Variants in SPEF2 observed in about 807,000 individuals in gnomAD.
SPEF2 encodes the protein sperm flagella and cilia-associated protein 2.
In SPEF2, 187 loss-of-function variants were observed where a neutral mutation model predicts 224.6. That is an observed-to-expected ratio of 0.83 (90% CI 0.74 to 0.94). The LOEUF is 0.94. SPEF2 is among the 40% of genes least tolerant of loss of function. The pLI is 0.00. For missense variants in SPEF2, 2,170 were observed against 2,135.6 expected, an observed-to-expected ratio of 1.02 and a Z score of -0.32; for synonymous variants, 715 against 707.3, an observed-to-expected ratio of 1.01 and a Z score of -0.17.
chr5:35,780,350 C>G (rs573700757), intron 30 of SPEF2, among the ~76,000 whole-genome samples: 3 of 152,150 alleles, frequency 2.0e-5, no homozygotes, highest in African/African-American at 7.2e-5. Flanking sequence ...TTGCCAAGCC[C>G]AATAGGTGAA....
chr5:35,766,079 T>C (rs6888729), intron 26 of SPEF2, among the ~76,000 whole-genome samples: 22,009 of 152,076 alleles, frequency 0.14, 2,711 homozygotes, highest in African/African-American at 0.34. Context: ...TGAAAGTGAG[T>C]GAGTTCTGTA....
At position 35,779,195 on chromosome 5, in the gene SPEF2, A is replaced by G; in HGVS notation, c.4296A>G (p.Gln1432=). The part of the protein sequence containing the change: ...TKIQNELYLS[Q]EDFFINGNIK... The stretch of plus-strand genomic sequence containing the variant: ...TTCAGAATGAACTTTATTTAAGCCA[A>G]GAAGACTTCTTCATTAATGGCAATA... The change falls in exon 30 of 37, where the codon CAA becomes CAG. Residue 1432 remains glutamine (Q), a synonymous_variant. Transcript: ENST00000356031. 6.2e-7 allele frequency: 1 copy of G among 1,613,948 alleles called. No homozygotes were observed. The highest frequency in any genetic ancestry group is 8.5e-7 in the Non-Finnish European group (1 of 1,179,882).
chr5:35,649,007 C>T (rs1243198179), intron 5 of SPEF2, among the ~76,000 whole-genome samples: 2 of 148,704 alleles, frequency 1.3e-5, no homozygotes, highest in African/African-American at 5.0e-5. Flanking sequence ...GAGTGAGACT[C>T]CATCTCAAAA....
intron 36 of SPEF2, among the ~76,000 whole-genome samples, chr5:35,812,182 T>A (rs1758586888): frequency 6.6e-6 from 1 of 152,082 alleles, no homozygotes; most frequent in Non-Finnish European, 1.5e-5. Flanking sequence ...CACAAGAAAT[T>A]CTGAATCACG....
chr5:35,720,726 T>C (rs7704075), intron 20 of SPEF2, among the ~76,000 whole-genome samples: 5,961 of 152,246 alleles, frequency 0.039, 191 homozygotes, highest in African/African-American at 0.075. Flanking sequence ...TTAGCATTAT[T>C]CATCAAGATA....
chr5:35,752,582 C>T (rs1217892903), intron 23 of SPEF2, among the ~76,000 whole-genome samples: 2 of 3,622 alleles, frequency 5.5e-4, no homozygotes, highest in Non-Finnish European at 1.0e-3. Context: ...TAAGCATGAG[C>T]CACTGTGCCT....
chr5:35,754,925 T>A (rs1196160472), intron 24 of SPEF2, among the ~76,000 whole-genome samples: 1 of 152,246 alleles, frequency 6.6e-6, no homozygotes, highest in Admixed American at 6.5e-5. Context: ...GTTCAGTAAA[T>A]GTCTTTTCAT....
chr5:35,715,441 A>G (rs1306289317), intron 20 of SPEF2, among the ~76,000 whole-genome samples: 4 of 152,052 alleles, frequency 2.6e-5, no homozygotes, highest in African/African-American at 4.8e-5. Flanking sequence ...TATTATACCA[A>G]TAATAACCTG....
chr5:35,655,182 C>A (rs879565023), intron 7 of SPEF2, among the ~76,000 whole-genome samples: 13 of 152,142 alleles, frequency 8.5e-5, no homozygotes, highest in Non-Finnish European at 7.4e-5. Flanking sequence ...ACGAACAGCA[C>A]CAGCATTGCT....
intron 10 of SPEF2, among the ~76,000 whole-genome samples, chr5:35,687,497 G>T (rs535482365): frequency 1.3e-5 from 2 of 149,754 alleles, no homozygotes; most frequent in Non-Finnish European, 3.0e-5. Flanking sequence ...TAGCTCTGTC[G>T]CCCAGGCTGG....
chr5:35,779,745 C>G (rs78994051), intron 30 of SPEF2, among the ~76,000 whole-genome samples: 3 of 152,274 alleles, frequency 2.0e-5, no homozygotes, highest in Non-Finnish European at 4.4e-5. Context: ...TAGAAGATTT[C>G]CCTTTTATGT....
At chr5:35,665,507 G>A (rs909496174) in intron 8 of SPEF2, among the ~76,000 whole-genome samples, 1 of 152,090 alleles carries the variant, frequency 6.6e-6, no homozygotes, top group African/African-American at 2.4e-5. Flanking sequence ...GGCAATGGCA[G>A]CAACCAGGGT....
chr5:35,635,102 T>G (rs1030702333), intron 2 of SPEF2, among the ~76,000 whole-genome samples: 3 of 152,050 alleles, frequency 2.0e-5, no homozygotes, highest in Non-Finnish European at 4.4e-5. Flanking sequence ...TGTTTTGAGG[T>G]TCTGGTCATT....
intron 21 of SPEF2, among the ~76,000 whole-genome samples, chr5:35,729,154 A>G (rs1335874703): frequency 6.6e-6 from 1 of 152,216 alleles, no homozygotes; most frequent in Non-Finnish European, 1.5e-5. Context: ...GGGATTCTAT[A>G]GAAAACATGA....
chr5:35,776,293 C>T lies in SPEF2; in HGVS notation c.4115C>T (p.Thr1372Ile). The T allele has an allele frequency of 6.2e-7, 1 of 1,611,164 alleles. No individual in the cohort carries two copies. The highest frequency in any genetic ancestry group is 8.5e-7 in the Non-Finnish European group (1 of 1,178,924). ...CAATTTCGACTTGAACTGATAAAGA[C>T]AAAAGCATTGGCTCTTCTTGAAGAT... ...ATQFRLELIK[T>I]KALALLEDLV... The change falls in exon 29 of 37, where the codon ACA becomes ATA. Residue 1372 changes from threonine (T) to isoleucine (I), a missense_variant. By Grantham distance (89) the Thr-to-Ile change is moderately conservative. Transcript: ENST00000356031.
intron 30 of SPEF2, among the ~76,000 whole-genome samples, chr5:35,785,400 A>G (rs903629003): frequency 1.3e-5 from 2 of 152,254 alleles, no homozygotes; most frequent in African/African-American, 2.4e-5. Flanking sequence ...AAATGAAAGT[A>G]TATACTCAGA....
chr5:35,711,071 T>C (rs1039902347), intron 19 of SPEF2, among the ~76,000 whole-genome samples: 1 of 152,172 alleles, frequency 6.6e-6, no homozygotes, highest in Non-Finnish European at 1.5e-5. Flanking sequence ...GTTTTTAAAA[T>C]GTTTTGTGTA....
intron 18 of SPEF2, among the ~76,000 whole-genome samples, chr5:35,707,403 C>T (rs1580374076): frequency 6.6e-6 from 1 of 152,092 alleles, no homozygotes; most frequent in South Asian, 2.1e-4. Flanking sequence ...ATGTTTAAAG[C>T]AATAATTATG....
rs557215730 is a variant in SPEF2, at chr5:35,705,871, T to C, written c.2665+63T>C. Reference sequence around the variant, plus strand: ...TAAAATGTGTGGTTTTTAATGAGTTTGGTAGGAAATGAAGATGTGATTGAA... The same window carrying C: ...TAAAATGTGTGGTTTTTAATGAGTTCGGTAGGAAATGAAGATGTGATTGAA... On this transcript the variant is annotated intron_variant, in intron 18 of 36. Coordinates refer to ENST00000356031, the MANE Select transcript of SPEF2 (RefSeq NM_024867.4). 9 of 1,070,588 alleles carry C rather than the reference T, an allele frequency of 8.4e-6. No homozygotes were observed. The African/African-American group carries it at 1.3e-4, about 16-fold the overall frequency. The allele number at this position is 1,070,588 out of a possible 1,614,324, so 66.3% of individuals were successfully genotyped here.
Sources: allele counts gnomAD v4.1 joint callset (sites outside exome capture counted in the v4.1 genomes callset), GRCh38; gene constraint gnomAD v4.1.1; transcripts MANE v1.5; gene names NCBI Gene and HGNC (gene_info 2026-07-23, HGNC 2026-07-21).